Variants in CHD9 observed in about 807,000 individuals in gnomAD.
CHD9 encodes chromodomain helicase DNA binding protein 9.
Under a neutral mutation model 316.1 loss-of-function variants are expected in CHD9, and 77 were observed. That is an observed-to-expected ratio of 0.24 (90% CI 0.20 to 0.29). The LOEUF (loss-of-function observed/expected upper bound fraction) is 0.29, where lower values mean the gene tolerates loss of function less well. Ranked by LOEUF, CHD9 falls within the 10% of genes least tolerant of loss-of-function variation. CHD9 has a pLI of 1.00. For synonymous variants in CHD9, 1,129 were observed against 1,158.3 expected (o/e 0.97, Z 0.51); for missense variants, 2,763 against 3,438.1 (o/e 0.80, Z 4.91).
chr16:53,143,061 A>G (rs113999253), intron 1 of CHD9, among the ~76,000 whole-genome samples: 19 of 152,286 alleles, frequency 1.2e-4, no homozygotes, highest in African/African-American at 3.6e-4. Flanking sequence ...TACTCCTGTG[A>G]TAACATTAAT....
At chr16:53,177,468 T>C (rs1317819690) in intron 2 of CHD9, among the ~76,000 whole-genome samples, 1 of 152,228 alleles carries the variant, frequency 6.6e-6, no homozygotes, top group East Asian at 1.9e-4. Flanking sequence ...TTCCTTACAT[T>C]AAGGCTTTTA....
At chr16:53,086,084 G>A (rs1360826242) in intron 1 of CHD9, among the ~76,000 whole-genome samples, 3 of 152,086 alleles carry the variant, frequency 2.0e-5, no homozygotes, top group African/African-American at 2.4e-5. Flanking sequence ...ATGTTTGAGA[G>A]GAAAGAAAAG....
At chr16:53,122,158 T>G (rs2038768871) in intron 1 of CHD9, 1 of 130,884 alleles carries the variant, frequency 7.6e-6, no homozygotes, top group African/African-American at 3.4e-5. Context: ...TAAAGATGAG[T>G]GAGAAGGTAT....
chr16:53,117,455 C>G (rs991599874), intron 1 of CHD9, among the ~76,000 whole-genome samples: 1 of 151,778 alleles, frequency 6.6e-6, no homozygotes, highest in Non-Finnish European at 1.5e-5. Context: ...CACTCTGTTG[C>G]CTAGGCTGTA....
intron 1 of CHD9, among the ~76,000 whole-genome samples, chr16:53,119,529 A>C (rs1292240895): frequency 6.6e-6 from 1 of 152,154 alleles, no homozygotes; most frequent in Non-Finnish European, 1.5e-5. Context: ...AAGCATGGCT[A>C]TCAAGTAAGG....
chr16:53,305,593 C>A (rs540345801), intron 31 of CHD9, among the ~76,000 whole-genome samples: 1 of 152,294 alleles, frequency 6.6e-6, no homozygotes, highest in Admixed American at 6.5e-5. Flanking sequence ...ATATAGCAGT[C>A]ACCAAGAGTC....
At position 53,286,284 on chromosome 16, in the gene CHD9, G is replaced by C; in HGVS notation, c.5130G>C (p.Val1710=). The C allele has an allele frequency of 6.2e-7, 1 of 1,613,380 alleles. No homozygotes were observed. The highest frequency in any genetic ancestry group is 1.1e-5 in the South Asian group (1 of 91,060). ...ADPALCFLER[V]GKPDEKAVAA... ...CAGCATTATGCTTCTTGGAAAGAGT[G>C]GGAAAACCTGATGAGAAAGCAGTTG... The change falls in exon 26 of 39, where the codon GTG becomes GTC. Residue 1710 remains valine (V), a synonymous_variant. Coordinates refer to ENST00000447540, the MANE Select transcript of CHD9 (RefSeq NM_001308319.2).
intron 11 of CHD9, among the ~76,000 whole-genome samples, chr16:53,237,044 C>G (rs2048694627): frequency 1.3e-5 from 2 of 152,202 alleles, no homozygotes; most frequent in South Asian, 4.1e-4. Flanking sequence ...CCTCTTGCTA[C>G]CTGAGTGTCT....
intron 1 of CHD9, among the ~76,000 whole-genome samples, chr16:53,140,205 C>T (rs2040001297): frequency 6.6e-6 from 1 of 151,260 alleles, no homozygotes; most frequent in South Asian, 2.1e-4. Flanking sequence ...GTCTATAATC[C>T]AGGTACTTTG....
At chr16:53,243,199 C>T (rs1032422757) in intron 13 of CHD9, among the ~76,000 whole-genome samples, 183 bp downstream of exon 13, 4 of 152,164 alleles carry the variant, frequency 2.6e-5, no homozygotes, top group South Asian at 4.1e-4. Context: ...CTGTTTCCTA[C>T]GACTTCAAAT....
intron 2 of CHD9, chr16:53,208,842 T>A: frequency 2.0e-6 from 1 of 506,852 alleles, no homozygotes; most frequent in Non-Finnish European, 2.5e-6. Context: ...TGTAAAACTG[T>A]AAAACTTGTT....
In CHD9 at chr16:53,256,993, C is replaced by T. The variant is rs1282129653; in HGVS notation, c.4209+1214C>T. 2.0e-5 allele frequency among the ~76,000 whole-genome samples: 3 copies of T among 151,830 alleles called. No homozygotes were observed. The East Asian group carries it at 5.8e-4, about 29-fold the overall frequency. ...GGTATTTTGCTAAATGCCAGGAATA[C>T]TAAAATGAAAGGATTATAGTTGCTG... On this transcript the variant is annotated intron_variant, in intron 19 of 38. Transcript: ENST00000447540.
At chr16:53,119,215 G>A (rs1186275669) in intron 1 of CHD9, among the ~76,000 whole-genome samples, 1 of 152,096 alleles carries the variant, frequency 6.6e-6, no homozygotes, top group Non-Finnish European at 1.5e-5. Context: ...TCCAAACTCA[G>A]CAAGTTGTAG....
chr16:53,062,920 G>A (rs376682652), intron 1 of CHD9, among the ~76,000 whole-genome samples: 15 of 152,258 alleles, frequency 9.9e-5, no homozygotes, highest in African/African-American at 3.6e-4. Context: ...TACTCGGGAG[G>A]CTAAGGGAAG....
At chr16:53,082,732 G>T (rs547146085) in intron 1 of CHD9, among the ~76,000 whole-genome samples, 2 of 152,330 alleles carry the variant, frequency 1.3e-5, no homozygotes, top group East Asian at 3.9e-4. Context: ...TCGACCTTCA[G>T]ATCTTTGCCC....
chr16:53,241,685 G>A (rs1015453028), intron 12 of CHD9, among the ~76,000 whole-genome samples: 4 of 152,100 alleles, frequency 2.6e-5, no homozygotes, highest in Admixed American at 2.0e-4. Flanking sequence ...CTTATCCATT[G>A]GGAAATCCTG....
At chr16:53,293,280 C>G (rs2054503161) in intron 29 of CHD9, among the ~76,000 whole-genome samples, 1 of 152,020 alleles carries the variant, frequency 6.6e-6, no homozygotes, top group Non-Finnish European at 1.5e-5. Context: ...ATACTGTAAT[C>G]ATTTTTTTTG....
At chr16:53,100,679 T>C (rs978203641) in intron 1 of CHD9, among the ~76,000 whole-genome samples, 1 of 152,150 alleles carries the variant, frequency 6.6e-6, no homozygotes, top group Non-Finnish European at 1.5e-5. Context: ...AGGCTGGTCT[T>C]GAACTCCTGG....
intron 12 of CHD9, 45 bp downstream of exon 12, chr16:53,238,631 G>T (rs1279865335): frequency 5.0e-6 from 8 of 1,584,864 alleles, no homozygotes; most frequent in Non-Finnish European, 6.0e-6. Context: ...GGTCAGGGCT[G>T]AAAAAGATAA....
Sources: allele counts gnomAD v4.1 joint callset (sites outside exome capture counted in the v4.1 genomes callset), GRCh38; gene constraint gnomAD v4.1.1; transcripts MANE v1.5; gene names NCBI Gene and HGNC (gene_info 2026-07-23, HGNC 2026-07-21).